Variants in FNIP2 observed in about 807,000 individuals in gnomAD.
The protein encoded by FNIP2 is folliculin-interacting protein 2.
In FNIP2, 32 loss-of-function variants were observed where a neutral mutation model predicts 108.7. The observed-to-expected ratio is 0.29, with a 90% CI of 0.22 to 0.40. The LOEUF is 0.40. Ranked by LOEUF, FNIP2 falls within the 10% of genes least tolerant of loss-of-function variation. The pLI is 1.00. For missense variants in FNIP2, 1,202 were observed against 1,381.6 expected, an observed-to-expected ratio of 0.87 and a Z score of 2.06; for synonymous variants, 480 against 496.7, an observed-to-expected ratio of 0.97 and a Z score of 0.45.
At chr4:158,834,001 G>A in intron 6 of FNIP2, 1 of 628,564 alleles carries the variant, frequency 1.6e-6, no homozygotes, top group Non-Finnish European at 2.3e-6. Context: ...GGGCTCTTGT[G>A]ATCACAGATA....
At chr4:158,784,976 C>T (rs772613275) in intron 1 of FNIP2, among the ~76,000 whole-genome samples, 1 of 152,074 alleles carries the variant, frequency 6.6e-6, no homozygotes, top group Non-Finnish European at 1.5e-5. Context: ...ATACTAAGTA[C>T]AGTACGTTAG....
At chr4:158,801,918 G>C (rs556328568) in intron 1 of FNIP2, among the ~76,000 whole-genome samples, 109 of 152,278 alleles carry the variant, frequency 7.2e-4, no homozygotes, top group Non-Finnish European at 1.3e-3. Flanking sequence ...AGTATTGACA[G>C]ACTTGGTTCT....
chr4:158,792,729 G>T (rs772367063), intron 1 of FNIP2, among the ~76,000 whole-genome samples: 1 of 152,146 alleles, frequency 6.6e-6, no homozygotes, highest in Non-Finnish European at 1.5e-5. Flanking sequence ...CAGTGTTCAT[G>T]GTGACTTTAT....
intron 15 of FNIP2, chr4:158,893,614 C>T (rs547149609): frequency 1.7e-6 from 2 of 1,196,472 alleles, no homozygotes; most frequent in Non-Finnish European, 2.4e-6. Context: ...ATGAGAAGCA[C>T]TTGTGGATTA....
intron 8 of FNIP2, among the ~76,000 whole-genome samples, chr4:158,857,307 CTA>C: frequency 6.6e-6 from 1 of 152,286 alleles, no homozygotes; most frequent in Admixed American, 6.5e-5. Context: ...GAAGAATTTC[CTA>C]TACAGAACAG....
intron 7 of FNIP2, chr4:158,835,852 C>CT (rs1339572658): frequency 6.3e-6 from 1 of 159,170 alleles, no homozygotes; most frequent in Non-Finnish European, 1.4e-5. Context: ...GACCAGCCAG[C>CT]TGACCTGGTC....
intron 1 of FNIP2, among the ~76,000 whole-genome samples, chr4:158,769,783 C>G (rs990016257): frequency 1.3e-5 from 2 of 152,228 alleles, no homozygotes; most frequent in African/African-American, 2.4e-5. Context: ...CATCTTTCTT[C>G]TTTCTTGCCA....
intron 12 of FNIP2, among the ~76,000 whole-genome samples, chr4:158,864,387 C>T (rs1780463511): frequency 6.6e-6 from 1 of 152,074 alleles, no homozygotes; most frequent in Non-Finnish European, 1.5e-5. Context: ...AATTAGAAAA[C>T]ATTTGAAATA....
chr4:158,834,924 T>C (rs1778717810), intron 6 of FNIP2: 1 of 155,590 alleles, frequency 6.4e-6, no homozygotes, highest in Admixed American at 6.4e-5. Flanking sequence ...GAGTGGGTTA[T>C]AAACAGAGAA....
At chr4:158,783,389 G>C (rs186757809) in intron 1 of FNIP2, among the ~76,000 whole-genome samples, 30 of 152,308 alleles carry the variant, frequency 2.0e-4, no homozygotes, top group Admixed American at 7.8e-4. Context: ...TCCCTGCAGA[G>C]GTTTACCTCA....
chr4:158,819,362 A>G (rs1247714037), intron 1 of FNIP2, among the ~76,000 whole-genome samples: 2 of 152,220 alleles, frequency 1.3e-5, no homozygotes, highest in Non-Finnish European at 2.9e-5. Flanking sequence ...TGTTGGTAAT[A>G]TAACAGTGGA....
chr4:158,882,413 G>A lies in FNIP2; in HGVS notation c.2950-9033G>A, dbSNP rs543859789. On this transcript the variant is annotated intron_variant, in intron 14 of 16. Coordinates refer to ENST00000264433, the MANE Select transcript of FNIP2 (RefSeq NM_020840.3). ...CCTCCGCCCGGCCACCACCCCGTCCGGGAGGTGGGGGGTGCCTCTGCCTGG... is the reference window on the plus strand; with the variant it reads ...CCTCCGCCCGGCCACCACCCCGTCCAGGAGGTGGGGGGTGCCTCTGCCTGG... Among the ~76,000 whole-genome samples, 56 of 151,732 alleles carry A rather than the reference G, an allele frequency of 3.7e-4. No individual in the cohort carries two copies. In the South Asian group the frequency reaches 5.2e-3, roughly 14 times the overall value.
chr4:158,859,285 A>G, intron 9 of FNIP2, 27 bp downstream of exon 9: 1 of 1,569,956 alleles, frequency 6.4e-7, no homozygotes, highest in East Asian at 2.3e-5. Flanking sequence ...CCAAAGTCAA[A>G]TAGAGAAGTG....
intron 5 of FNIP2, 23 bp from the exon 6 acceptor site, chr4:158,833,505 T>G: frequency 6.7e-7 from 1 of 1,494,374 alleles, no homozygotes; most frequent in Non-Finnish European, 9.1e-7. Flanking sequence ...CTTTCTCCTT[T>G]TCCCCCCCAT....
intron 15 of FNIP2, chr4:158,893,395 T>A: frequency 3.5e-6 from 1 of 283,052 alleles, no homozygotes; most frequent in South Asian, 1.2e-4. Context: ...GTTATGAAAT[T>A]ATATTAGAGA....
intron 3 of FNIP2, 28 bp from the exon 4 acceptor site, chr4:158,831,833 A>T: frequency 6.9e-7 from 1 of 1,447,278 alleles, no homozygotes; most frequent in Non-Finnish European, 9.7e-7. Flanking sequence ...TCCATGTACT[A>T]ACTTTGATTT....
chr4:158,774,695 C>T (rs1775804579), intron 1 of FNIP2, among the ~76,000 whole-genome samples: 2 of 152,200 alleles, frequency 1.3e-5, no homozygotes, highest in Non-Finnish European at 2.9e-5. Flanking sequence ...GTCGCTACTT[C>T]ACCTGAGCTT....
rs1298417175 is a variant in FNIP2 at position 158,907,257 on chromosome 4, ATTTTATT to A, written c.*2720_*2726del. The A allele has an allele frequency of 6.6e-6, 1 of 152,212 alleles. No homozygotes were observed. The highest frequency in any genetic ancestry group is 1.5e-5 in the Non-Finnish European group (1 of 68,024). The allele number at this position is 152,212 out of a possible 1,614,324, so 9.4% of individuals were successfully genotyped here. ...CCATACTTGTGCATAATTCCAAAGTATTTTATTTTTTATCAATCAGTGTTAAATAGCT... is the reference window on the plus strand; with the variant it reads ...CCATACTTGTGCATAATTCCAAAGTATTTTATCAATCAGTGTTAAATAGCT... On this transcript the variant is annotated 3_prime_UTR_variant, in exon 17 of 17. Coordinates refer to ENST00000264433, the MANE Select transcript of FNIP2 (RefSeq NM_020840.3).
At chr4:158,844,043 T>C (rs1180656735) in intron 7 of FNIP2, among the ~76,000 whole-genome samples, 3 of 152,224 alleles carry the variant, frequency 2.0e-5, no homozygotes, top group Admixed American at 2.0e-4. Flanking sequence ...ACTTTTTCCT[T>C]TGAAGAAACT....
Sources: allele counts gnomAD v4.1 joint callset (sites outside exome capture counted in the v4.1 genomes callset), GRCh38; gene constraint gnomAD v4.1.1; transcripts MANE v1.5; gene names NCBI Gene and HGNC (gene_info 2026-07-23, HGNC 2026-07-21).